Variants in CDH4 observed in about 807,000 individuals in gnomAD.
CDH4 encodes the protein cadherin 4, also known as cadherin-4.
A neutral mutation model predicts 86.0 loss-of-function variants in CDH4; 33 were observed. That is an observed-to-expected ratio of 0.38 (90% confidence interval 0.29 to 0.51). The LOEUF is 0.51. Among genes scored for constraint, CDH4 ranks in the 20% least tolerant of loss-of-function variants. CDH4 has a pLI of 0.86. For synonymous variants in CDH4, 555 were observed against 549.4 expected (o/e 1.01, Z -0.14); for missense variants, 1,114 against 1,307.4 (o/e 0.85, Z 2.28).
chr20:61,764,832 C>A (rs2088680307), intron 3 of CDH4, among the ~76,000 whole-genome samples: 1 of 152,186 alleles, frequency 6.6e-6, no homozygotes, highest in Non-Finnish European at 1.5e-5. Flanking sequence ...CAGCCCCTTC[C>A]ATCAGCAGGG....
chr20:61,609,278 C>T (rs1372728668), intron 2 of CDH4, among the ~76,000 whole-genome samples: 1 of 152,188 alleles, frequency 6.6e-6, no homozygotes, highest in African/African-American at 2.4e-5. Flanking sequence ...AAAATGACCA[C>T]AGAGAAGACT....
intron 2 of CDH4, among the ~76,000 whole-genome samples, chr20:61,589,835 A>T (rs892982665): frequency 3.9e-5 from 6 of 151,992 alleles, no homozygotes; most frequent in Non-Finnish European, 7.4e-5. Flanking sequence ...TAAAAAAAAA[A>T]AAAAGAAAGA....
intron 2 of CDH4, among the ~76,000 whole-genome samples, chr20:61,596,626 C>T (rs1460539081): frequency 6.6e-6 from 1 of 152,160 alleles, no homozygotes; most frequent in African/African-American, 2.4e-5. Flanking sequence ...CGGGTTGTAC[C>T]ACATCTTGAA....
At chr20:61,604,708 C>T (rs570960025) in intron 2 of CDH4, among the ~76,000 whole-genome samples, 80 of 152,262 alleles carry the variant, frequency 5.3e-4, no homozygotes, top group African/African-American at 1.8e-3. Flanking sequence ...AACACACAGA[C>T]ACGTGTAGAT....
chr20:61,374,099 T>C (rs1188153361), intron 2 of CDH4, among the ~76,000 whole-genome samples: 2 of 152,124 alleles, frequency 1.3e-5, no homozygotes, highest in African/African-American at 2.4e-5. Context: ...TAAACATCTA[T>C]CAAGCACTGT....
chr20:61,622,502 T>C (rs191618867), intron 2 of CDH4, among the ~76,000 whole-genome samples: 99 of 152,376 alleles, frequency 6.5e-4, no homozygotes, highest in African/African-American at 2.3e-3. Flanking sequence ...ACCAGACACT[T>C]GTGGCCCATG....
intron 5 of CDH4, among the ~76,000 whole-genome samples, chr20:61,845,203 T>C (rs1982384231): frequency 6.6e-6 from 1 of 152,260 alleles, no homozygotes; most frequent in African/African-American, 2.4e-5. Context: ...TCGGGGCCCC[T>C]CATGCTGCTC....
intron 4 of CDH4, among the ~76,000 whole-genome samples, chr20:61,778,898 G>T (rs1324730528): frequency 1.3e-5 from 2 of 152,184 alleles, no homozygotes; most frequent in Admixed American, 6.5e-5. Flanking sequence ...AGTTGCTATG[G>T]TGCCAAGCAC....
chr20:61,259,829 T>A (rs1335489092), intron 2 of CDH4, among the ~76,000 whole-genome samples: 16 of 152,204 alleles, frequency 1.1e-4, no homozygotes, highest in Admixed American at 1.0e-3. Context: ...AGGTTAGGCT[T>A]TGGGGAAAGC....
intron 2 of CDH4, among the ~76,000 whole-genome samples, chr20:61,388,824 C>G (rs1173661862): frequency 6.6e-6 from 1 of 152,196 alleles, no homozygotes; most frequent in Non-Finnish European, 1.5e-5. Flanking sequence ...TTCATGAAAA[C>G]AAAGTACATC....
At chr20:61,524,380 G>A (rs950286594) in intron 2 of CDH4, among the ~76,000 whole-genome samples, 2 of 152,142 alleles carry the variant, frequency 1.3e-5, no homozygotes, top group African/African-American at 2.4e-5. Flanking sequence ...TCCTATTCCC[G>A]CATTCAACCG....
At chr20:61,846,327 A>ACTC (rs1982453434) in intron 5 of CDH4, among the ~76,000 whole-genome samples, 1 of 152,038 alleles carries the variant, frequency 6.6e-6, no homozygotes, top group Non-Finnish European at 1.5e-5. Context: ...CCAACCAGAG[A>ACTC]CTCCGGCTGA....
intron 2 of CDH4, among the ~76,000 whole-genome samples, chr20:61,425,088 A>G (rs935855692): frequency 2.0e-5 from 3 of 152,174 alleles, no homozygotes; most frequent in Admixed American, 6.5e-5. Flanking sequence ...GCAGCAGGTC[A>G]CTGCTCTGGT....
At chr20:61,639,295 C>T (rs1312449697) in intron 2 of CDH4, among the ~76,000 whole-genome samples, 1 of 152,174 alleles carries the variant, frequency 6.6e-6, no homozygotes, top group Non-Finnish European at 1.5e-5. Flanking sequence ...CTTTCCAGGG[C>T]ATTCTCTGCA....
At chr20:61,826,187 A>C (rs1023323396) in intron 4 of CDH4, among the ~76,000 whole-genome samples, 3 of 152,098 alleles carry the variant, frequency 2.0e-5, no homozygotes, top group Non-Finnish European at 4.4e-5. Flanking sequence ...TGGGGGTGGA[A>C]GTCAGAGTCC....
intron 2 of CDH4, among the ~76,000 whole-genome samples, chr20:61,677,678 CA>C (rs2087458739): frequency 6.6e-6 from 1 of 151,114 alleles, no homozygotes; most frequent in Non-Finnish European, 1.5e-5. Context: ...GGTGGGTGGA[CA>C]GACGGACGGA....
intron 2 of CDH4, among the ~76,000 whole-genome samples, chr20:61,603,206 C>G (rs1219439299): frequency 6.6e-6 from 1 of 152,148 alleles, no homozygotes; most frequent in Non-Finnish European, 1.5e-5. Flanking sequence ...ACACGGAGTC[C>G]GTGTCACAGA....
At chr20:61,790,010 CAG>C (rs1979084931) in intron 4 of CDH4, among the ~76,000 whole-genome samples, 1 of 152,136 alleles carries the variant, frequency 6.6e-6, no homozygotes, top group African/African-American at 2.4e-5. Flanking sequence ...ACGGGGTGAA[CAG>C]TATATCCACA....
chr20:61,757,749 G>C (rs2088582829), intron 3 of CDH4, among the ~76,000 whole-genome samples: 1 of 152,230 alleles, frequency 6.6e-6, no homozygotes, highest in Non-Finnish European at 1.5e-5. Flanking sequence ...AGGGATAAAA[G>C]TGGGCCATGC....
Sources: allele counts gnomAD v4.1 joint callset (sites outside exome capture counted in the v4.1 genomes callset), GRCh38; gene constraint gnomAD v4.1.1; transcripts MANE v1.5; gene names NCBI Gene and HGNC (gene_info 2026-07-23, HGNC 2026-07-21).